The following ARHGAP17 variants were observed in gnomAD, a reference collection of about 807,000 sequenced individuals.
ARHGAP17 encodes the protein Rho GTPase activating protein 17, also known as rho GTPase-activating protein 17.
In ARHGAP17, 57 loss-of-function variants were observed where a neutral mutation model predicts 99.5. The ratio of observed to expected loss-of-function variants is 0.57; its 90% CI spans 0.46 to 0.71. ARHGAP17 has a LOEUF of 0.71. Ranked by LOEUF, ARHGAP17 falls within the 30% of genes least tolerant of loss-of-function variation. ARHGAP17 has a pLI of 0.00. For missense variants in ARHGAP17, 1,000 were observed against 1,122.4 expected (o/e 0.89, Z 1.56); for synonymous variants, 417 against 429.6 (o/e 0.97, Z 0.36).
At chr16:24,979,321 C>T (rs1319157181) in intron 1 of ARHGAP17, among the ~76,000 whole-genome samples, 1 of 152,134 alleles carries the variant, frequency 6.6e-6, no homozygotes, top group East Asian at 1.9e-4. Flanking sequence ...TTCCCAGGTC[C>T]CTCTGGATAT....
At chr16:24,960,648 G>A (rs1340614234) in intron 7 of ARHGAP17, among the ~76,000 whole-genome samples, 2 of 150,570 alleles carry the variant, frequency 1.3e-5, no homozygotes, top group Non-Finnish European at 3.0e-5. Flanking sequence ...AAACCCTGTC[G>A]CTACTAAAAA....
In ARHGAP17 at chr16:24,930,815, G is replaced by A; in HGVS notation, c.2484C>T (p.Asn828=). 1 of 1,614,140 alleles carries A rather than the reference G, an allele frequency of 6.2e-7. No homozygotes were observed. The highest frequency in any genetic ancestry group is 8.5e-7 in the Non-Finnish European group (1 of 1,180,028). ...CTATCTTGGAAGCTGTTGGTGCTGT[G>A]TTGGTGAGGCTGCTGTCCCCAGCTG... The part of the protein sequence containing the change: ...VHSAGDSSLT[N]TAPTASKIVT... The change falls in exon 19 of 20, where the codon AAC becomes AAT. Residue 828 remains asparagine, a synonymous_variant. Coordinates refer to ENST00000289968, the MANE Select transcript of ARHGAP17 (RefSeq NM_001006634.3).
intron 3 of ARHGAP17, among the ~76,000 whole-genome samples, chr16:24,971,701 A>G (rs758565316): frequency 4.6e-5 from 7 of 152,252 alleles, no homozygotes; most frequent in Non-Finnish European, 8.8e-5. Context: ...CTAGCTAAAG[A>G]GCCAGTTTTT....
chr16:24,939,528 G>A lies in ARHGAP17; in HGVS notation c.1560C>T (p.Ser520=), dbSNP rs1364563444. 2.5e-6 allele frequency: 4 copies of A among 1,609,456 alleles called. No individual in the cohort carries two copies. In the East Asian group the frequency reaches 6.7e-5, roughly 27 times the overall value. ...GCGGAAGTGGCGGCTGGAAAGCGGG[G>A]GATATGTGCTTTCTATTTAGAGTGC... ...RGGTLNRKHI[S]PAFQPPLPPT... is the part of the protein sequence containing the mutation. The change falls in exon 17 of 20, where the codon TCC becomes TCT. Residue 520 remains serine (S), a synonymous_variant. Transcript: ENST00000289968.
intron 19 of ARHGAP17, among the ~76,000 whole-genome samples, chr16:24,922,452 T>G (rs2050741455): frequency 6.6e-6 from 1 of 152,162 alleles, no homozygotes; most frequent in African/African-American, 2.4e-5. Context: ...TCCACACACA[T>G]TATTAATTCA....
chr16:24,973,821 A>G (rs2052437753), intron 3 of ARHGAP17, among the ~76,000 whole-genome samples: 1 of 152,224 alleles, frequency 6.6e-6, no homozygotes, highest in Admixed American at 6.5e-5. Flanking sequence ...GTGTTTGATA[A>G]ATATTTGTTT....
In ARHGAP17 at chr16:24,952,357, G is replaced by A; in HGVS notation, c.978C>T (p.Ser326=). 6.2e-7 allele frequency: 1 copy of A among 1,612,916 alleles called. No individual in the cohort carries two copies. The highest frequency in any genetic ancestry group is 1.1e-5 in the South Asian group (1 of 90,954). The change falls in exon 12 of 20, where the codon TCC becomes TCT. Residue 326 remains serine, a synonymous_variant. Coordinates refer to ENST00000289968, the MANE Select transcript of ARHGAP17 (RefSeq NM_001006634.3). The part of the protein sequence containing the change: ...DPHAVAGALK[S]YLRELPEPLM... ...AAGGTTCAGGCAATTCCCGTAAATAGGATTTTAAAGCACCTGAAATCATTA... is the reference window on the plus strand; with the variant it reads ...AAGGTTCAGGCAATTCCCGTAAATAAGATTTTAAAGCACCTGAAATCATTA...
intron 6 of ARHGAP17, among the ~76,000 whole-genome samples, chr16:24,965,281 T>C (rs1218699336): frequency 6.6e-6 from 1 of 152,142 alleles, no homozygotes; most frequent in Non-Finnish European, 1.5e-5. Flanking sequence ...CCATCTTGGC[T>C]AACACGGTGA....
intron 13 of ARHGAP17, 177 bp downstream of exon 13, chr16:24,949,227 C>A: frequency 2.0e-6 from 1 of 509,562 alleles, no homozygotes; most frequent in Non-Finnish European, 3.4e-6. Flanking sequence ...TCAAATTCAT[C>A]ATAATATACA....
At chr16:24,927,174 G>A (rs963943263) in intron 19 of ARHGAP17, among the ~76,000 whole-genome samples, 11 of 152,214 alleles carry the variant, frequency 7.2e-5, no homozygotes, top group Non-Finnish European at 1.3e-4. Context: ...AGGAGGCTGA[G>A]GCAGGAGAAT....
Position 24,959,995 on chromosome 16 carries a change from A to G in ARHGAP17, c.574-16T>C, listed in dbSNP as rs1214730073. 6.2e-7 allele frequency: 1 copy of G among 1,612,868 alleles called. No homozygotes were observed. Among genetic ancestry groups the G allele is most frequent in the South Asian group, 1.1e-5 (1 of 90,690 alleles). On this transcript the variant is annotated splice_polypyrimidine_tract_variant and intron_variant, in intron 7 of 19. Coordinates refer to ENST00000289968, the MANE Select transcript of ARHGAP17 (RefSeq NM_001006634.3). Reference sequence around the variant, plus strand: ...CAAGTTGATCCTGGGTAAATGGAAGATAAGAGGTTATTGAAGAAAAAAGAA... The same window carrying G: ...CAAGTTGATCCTGGGTAAATGGAAGGTAAGAGGTTATTGAAGAAAAAAGAA...
At chr16:24,958,419 C>G (rs2051877868) in intron 9 of ARHGAP17, among the ~76,000 whole-genome samples, 1 of 152,202 alleles carries the variant, frequency 6.6e-6, no homozygotes, top group East Asian at 1.9e-4. Context: ...TCTTGGTCCT[C>G]TGAACTTGCC....
In ARHGAP17 at chr16:25,009,227, C is replaced by T. The variant is rs570055489; in HGVS notation, c.53+5982G>A. On this transcript the variant is annotated intron_variant, in intron 1 of 19. Transcript: ENST00000289968. The stretch of plus-strand genomic sequence containing the variant: ...CTAAAAAATACAAAAATTAGCCAGG[C>T]TTGGTGGCTCATGCCTGTAAGCCCA... 2.8e-4 allele frequency among the ~76,000 whole-genome samples: 43 copies of T among 152,216 alleles called. No homozygotes were observed. The South Asian group carries it at 8.3e-3, about 29-fold the overall frequency.
chr16:25,003,218 C>T (rs2053416403), intron 1 of ARHGAP17, among the ~76,000 whole-genome samples: 1 of 144,846 alleles, frequency 6.9e-6, no homozygotes, highest in Admixed American at 7.0e-5. Flanking sequence ...CAAGAGTATG[C>T]TAGCTTTAAA....
At chr16:25,003,039 A>C (rs1209247863) in intron 1 of ARHGAP17, among the ~76,000 whole-genome samples, 2 of 60,582 alleles carry the variant, frequency 3.3e-5, no homozygotes, top group Non-Finnish European at 6.9e-5. Flanking sequence ...ACTCCGTCTC[A>C]AAAAAAAAAA....
intron 1 of ARHGAP17, among the ~76,000 whole-genome samples, chr16:25,008,930 A>C (rs1488011822): frequency 2.0e-5 from 3 of 152,206 alleles, no homozygotes; most frequent in South Asian, 2.1e-4. Flanking sequence ...AGGCCATAAA[A>C]GATGAGATTG....
In ARHGAP17 at chr16:25,002,935, A is replaced by G. The variant is rs1338850044; in HGVS notation, c.53+12274T>C. Among the ~76,000 whole-genome samples the G allele has an allele frequency of 2.0e-5, 3 of 146,618 alleles. No individual in the cohort carries two copies. The East Asian group carries it at 6.6e-4, about 32-fold the overall frequency. Reference sequence around the variant, plus strand: ...GCAACTGTAATCCCAGCTACTCGGGAGGCTGAAGCAGGAGAATCGCTTGAA... The same window carrying G: ...GCAACTGTAATCCCAGCTACTCGGGGGGCTGAAGCAGGAGAATCGCTTGAA... On this transcript the variant is annotated intron_variant, in intron 1 of 19. Transcript: ENST00000289968.
At chr16:24,964,836 C>T (rs190672723) in intron 6 of ARHGAP17, among the ~76,000 whole-genome samples, 15 of 152,088 alleles carry the variant, frequency 9.9e-5, no homozygotes, top group Non-Finnish European at 7.4e-5. Flanking sequence ...AGGCTGGGTG[C>T]GGTGGCTCAC....
At chr16:24,991,020 CACAG>C (rs1462570735) in intron 1 of ARHGAP17, among the ~76,000 whole-genome samples, 3 of 152,106 alleles carry the variant, frequency 2.0e-5, no homozygotes, top group Non-Finnish European at 4.4e-5. Flanking sequence ...CTGCGGCCTT[CACAG>C]ACAGAGTAAA....
Sources: allele counts gnomAD v4.1 joint callset (sites outside exome capture counted in the v4.1 genomes callset), GRCh38; gene constraint gnomAD v4.1.1; transcripts MANE v1.5; gene names NCBI Gene and HGNC (gene_info 2026-07-23, HGNC 2026-07-21).